The following LPAR1 variants were observed in gnomAD, a reference collection of about 807,000 sequenced individuals.
LPAR1 encodes the protein LPA receptor 1.
Under a neutral mutation model 23.8 loss-of-function variants are expected in LPAR1, and 5 were observed. The ratio of observed to expected loss-of-function variants is 0.21; its 90% CI spans 0.11 to 0.44. LPAR1 has a LOEUF of 0.44. Ranked by LOEUF, LPAR1 falls within the 20% of genes least tolerant of loss-of-function variation. The pLI is 0.99. For synonymous variants in LPAR1, 160 were observed against 164.7 expected, an observed-to-expected ratio of 0.97 and a Z score of 0.22; for missense variants, 311 against 482.8, an observed-to-expected ratio of 0.64 and a Z score of 3.33.
chr9:111,024,338 G>C (rs1352941733), intron 2 of LPAR1, among the ~76,000 whole-genome samples: 2 of 149,508 alleles, frequency 1.3e-5, no homozygotes, highest in African/African-American at 2.5e-5. Context: ...TAATGAAAAT[G>C]GCAGCTAATA....
intron 5 of LPAR1, among the ~76,000 whole-genome samples, chr9:110,918,869 G>C (rs2134970480): frequency 6.6e-6 from 1 of 151,744 alleles, no homozygotes; most frequent in East Asian, 1.9e-4. Flanking sequence ...CTTTAAAACA[G>C]CATTTTTGAA....
At chr9:110,956,563 C>A (rs1377284927) in intron 4 of LPAR1, among the ~76,000 whole-genome samples, 1 of 150,922 alleles carries the variant, frequency 6.6e-6, no homozygotes, top group Non-Finnish European at 1.5e-5. Flanking sequence ...ACTAGACTAA[C>A]CAAGAAAAAA....
intron 5 of LPAR1, among the ~76,000 whole-genome samples, chr9:110,883,898 G>C (rs1337975912): frequency 6.6e-6 from 1 of 152,090 alleles, no homozygotes; most frequent in South Asian, 2.1e-4. Flanking sequence ...TACCTAGGTG[G>C]CACATTGTTT....
At chr9:110,981,752 A>G (rs1395572092) in intron 2 of LPAR1, among the ~76,000 whole-genome samples, 1 of 152,060 alleles carries the variant, frequency 6.6e-6, no homozygotes, top group Non-Finnish European at 1.5e-5. Context: ...TTATGGACAT[A>G]CAGAATCTAC....
At chr9:110,901,928 C>A (rs1327199537) in intron 5 of LPAR1, among the ~76,000 whole-genome samples, 1 of 152,158 alleles carries the variant, frequency 6.6e-6, no homozygotes, top group Non-Finnish European at 1.5e-5. Flanking sequence ...ATAGTCCCTG[C>A]ACAAGAATTC....
At position 110,875,364 on chromosome 9, in the gene LPAR1, G is replaced by T; in HGVS notation, c.*57C>A. 6.8e-7 allele frequency: 1 copy of T among 1,467,204 alleles called. No individual in the cohort carries two copies. The highest frequency in any genetic ancestry group is 1.4e-5 in the African/African-American group (1 of 71,702). 90.9% of individuals were successfully genotyped at this position (1,467,204 alleles called of 1,614,324 possible). On this transcript the variant is annotated 3_prime_UTR_variant, in exon 6 of 6. Coordinates refer to ENST00000683809, the MANE Select transcript of LPAR1 (RefSeq NM_001351411.2). ...CCACCTTGCCCTGGCAATTGGGTAGGGGGAGGCTGTTTATCCTCCAAGAGA... is the reference window on the plus strand; with the variant it reads ...CCACCTTGCCCTGGCAATTGGGTAGTGGGAGGCTGTTTATCCTCCAAGAGA...
At chr9:110,957,353 T>TAAC (rs1178906981) in intron 4 of LPAR1, among the ~76,000 whole-genome samples, 2 of 121,752 alleles carry the variant, frequency 1.6e-5, no homozygotes, top group African/African-American at 5.9e-5. Flanking sequence ...AAAAAAAAAA[T>TAAC]AATAATAATA....
Position 110,960,636 on chromosome 9 carries a change from A to T in LPAR1, c.45+11437T>A, listed in dbSNP as rs191452485. 5.3e-4 allele frequency among the ~76,000 whole-genome samples: 81 copies of T among 152,172 alleles called. 1 individual carries two copies. In the East Asian group the frequency reaches 0.014, roughly 26 times the overall value. On this transcript the variant is annotated intron_variant, in intron 4 of 5. Coordinates refer to ENST00000683809, the MANE Select transcript of LPAR1 (RefSeq NM_001351411.2). ...CCCTGTAAGCATTTCATTTTGCTTA[A>T]TTTTTTTTAAAAAAGGAAAGAAAGA...
At chr9:111,022,277 T>C (rs10980694) in intron 2 of LPAR1, among the ~76,000 whole-genome samples, 16,006 of 152,156 alleles carry the variant, frequency 0.11, 1,113 homozygotes, top group Admixed American at 0.2. Flanking sequence ...GCAAACTGAT[T>C]TCAAGTCCTC....
chr9:110,918,122 T>C (rs188279462), intron 5 of LPAR1, among the ~76,000 whole-genome samples: 1 of 152,198 alleles, frequency 6.6e-6, no homozygotes, highest in Non-Finnish European at 1.5e-5. Context: ...GGTTTTTCCA[T>C]GTCATCAGGC....
At chr9:110,963,126 C>A (rs1277554739) in intron 4 of LPAR1, among the ~76,000 whole-genome samples, 5 of 152,036 alleles carry the variant, frequency 3.3e-5, no homozygotes, top group Non-Finnish European at 7.4e-5. Context: ...GAAGACTAAA[C>A]CAATTAAAAA....
chr9:111,012,840 G>T (rs959700265), intron 2 of LPAR1, among the ~76,000 whole-genome samples: 1 of 152,082 alleles, frequency 6.6e-6, no homozygotes, highest in East Asian at 1.9e-4. Flanking sequence ...AGGAGAGGAA[G>T]AAGGAAGGAA....
chr9:110,998,753 T>A (rs2097070685), intron 2 of LPAR1, among the ~76,000 whole-genome samples: 1 of 152,206 alleles, frequency 6.6e-6, no homozygotes. Context: ...CAAGTTCTTC[T>A]TAAAGAAAAG....
intron 2 of LPAR1, among the ~76,000 whole-genome samples, chr9:111,000,649 G>A (rs2097110120): frequency 1.3e-5 from 2 of 152,166 alleles, no homozygotes; most frequent in Admixed American, 1.3e-4. Context: ...AACCTGTGCA[G>A]CTAGTAAATG....
At chr9:110,926,781 G>A (rs1588366226) in intron 5 of LPAR1, among the ~76,000 whole-genome samples, 1 of 152,042 alleles carries the variant, frequency 6.6e-6, no homozygotes, top group African/African-American at 2.4e-5. Flanking sequence ...TCACATGCCT[G>A]GGGCAATCAC....
At position 110,875,547 on chromosome 9, in the gene LPAR1, C is replaced by T; in HGVS notation, c.969G>A (p.Arg323=). 1 of 1,614,020 alleles carries T rather than the reference C, an allele frequency of 6.2e-7. No homozygotes were observed. The highest frequency in any genetic ancestry group is 2.2e-5 in the East Asian group (1 of 44,868). Residue 323 remains arginine (R), a synonymous_variant, in exon 6 of 6, where the codon AGG becomes AGA. Coordinates refer to ENST00000683809, the MANE Select transcript of LPAR1 (RefSeq NM_001351411.2). The part of the protein sequence containing the change: ...YRDKEMSATF[R]QILCCQRSEN... ...CACTGCGCTGGCAGCAGAGGATCTG[C>T]CTAAAGGTGGCGCTCATTTCTTTGT...
intron 4 of LPAR1, among the ~76,000 whole-genome samples, chr9:110,960,887 A>G (rs932349269): frequency 6.6e-6 from 1 of 152,242 alleles, no homozygotes; most frequent in Non-Finnish European, 1.5e-5. Flanking sequence ...ACTTGAACTG[A>G]CAGGTCAAAA....
At chr9:110,973,950 C>A (rs960067689) in intron 2 of LPAR1, among the ~76,000 whole-genome samples, 2 of 152,130 alleles carry the variant, frequency 1.3e-5, no homozygotes, top group Admixed American at 1.3e-4. Context: ...GGGGGCAGAT[C>A]ATTAGAGGTC....
chr9:111,029,912 A>G lies in LPAR1; in HGVS notation c.-182+6210T>C, dbSNP rs528068251. ...CCAAAAAATACAAAAAAAATTAGCC[A>G]GGCATGGTGGTGCACGCCTGTGGTC... On this transcript the variant is annotated intron_variant, in intron 2 of 5. Coordinates refer to ENST00000683809, the MANE Select transcript of LPAR1 (RefSeq NM_001351411.2). Among the ~76,000 whole-genome samples the G allele has an allele frequency of 6.6e-5, 10 of 152,050 alleles. 1 individual carries two copies. In the East Asian group the frequency reaches 1.9e-3, roughly 29 times the overall value.
Sources: gnomAD v4.1 joint callset for allele counts (sites outside exome capture counted in the v4.1 genomes callset) on GRCh38, gnomAD v4.1.1 for gene constraint, MANE v1.5 for transcripts, NCBI Gene and HGNC (gene_info 2026-07-23, HGNC 2026-07-21) for gene names.